The following ZNF701 variants were observed in gnomAD, a reference collection of about 807,000 sequenced individuals.
ZNF701 encodes the protein zinc finger protein 701.
Under a neutral mutation model 7.1 loss-of-function variants are expected in ZNF701, and 6 were observed. The observed-to-expected ratio is 0.84, with a 90% CI of 0.46 to 1.66. The LOEUF (loss-of-function observed/expected upper bound fraction) is 1.66. ZNF701 is among the 40% of genes most tolerant of loss of function. The pLI is 0.01. For missense variants in ZNF701, 541 were observed against 559.2 expected (o/e 0.97, Z 0.33); for synonymous variants, 166 against 188.2 (o/e 0.88, Z 0.97).
downstream of ZNF701, among the ~76,000 whole-genome samples, chr19:52,591,476 C>T (rs145963202): frequency 4.2e-4 from 64 of 152,036 alleles, no homozygotes; most frequent in Non-Finnish European, 6.8e-4. Flanking sequence ...CCCCAATGCC[C>T]GGCCATATAT....
Position 52,582,754 on chromosome 19 carries a change from A to C in ZNF701, c.695A>C (p.Lys232Thr), listed in dbSNP as rs748803266. 19 of 1,614,118 alleles carry C rather than the reference A, an allele frequency of 1.2e-5. No individual in the cohort carries two copies. The highest frequency in any genetic ancestry group is 1.5e-5 in the Non-Finnish European group (18 of 1,180,044). The change falls in exon 4 of 4, where the codon AAA (lysine) becomes ACA (threonine). Residue 232 changes from lysine to threonine, a missense_variant. Lys to Thr is a moderately conservative substitution (Grantham distance 78, BLOSUM62 -1). Transcript: ENST00000391785. ...KAFNGSSLLK[K>T]HQIIHLGDKQ... is the part of the protein sequence containing the mutation. Reference sequence around the variant, plus strand: ...TTTAATGGTAGCTCACTCTTAAAAAAACATCAGATAATCCATTTAGGAGAC... The same window carrying C: ...TTTAATGGTAGCTCACTCTTAAAAACACATCAGATAATCCATTTAGGAGAC...
chr19:52,581,141 A>T (rs532056745), intron 3 of ZNF701, among the ~76,000 whole-genome samples: 4 of 152,230 alleles, frequency 2.6e-5, no homozygotes, highest in African/African-American at 9.6e-5. Context: ...AAAATACAAA[A>T]TTTTTAAAAA....
At chr19:52,570,996 CAG>C (rs1358858247) in intron 1 of ZNF701, 2 of 151,666 alleles carry the variant, frequency 1.3e-5, no homozygotes, top group East Asian at 1.9e-4. Flanking sequence ...GATCAGGAGA[CAG>C]AGAGTAGTAG....
At chr19:52,581,141 A>AT (rs1366855369) in intron 3 of ZNF701, among the ~76,000 whole-genome samples, 1 of 152,112 alleles carries the variant, frequency 6.6e-6, no homozygotes, top group East Asian at 1.9e-4. Flanking sequence ...AAAATACAAA[A>AT]TTTTTAAAAA....
At position 52,585,644 on chromosome 19, in the gene ZNF701, T is replaced by A. The variant is rs1600090622; in HGVS notation, c.*2187T>A. The stretch of plus-strand genomic sequence containing the variant: ...AAGAAAGCACCCCACAGGGTGGGGG[T>A]GGGCCCAAGCGAGCGTCTCCAGGGC... On this transcript the variant is annotated 3_prime_UTR_variant, in exon 4 of 4. Coordinates refer to ENST00000391785, the MANE Select transcript of ZNF701 (RefSeq NM_018260.3). 6.6e-6 allele frequency: 1 copy of A among 151,118 alleles called. No individual in the cohort carries two copies. The highest frequency in any genetic ancestry group is 2.1e-4 in the South Asian group (1 of 4,792). 9.4% of individuals were successfully genotyped at this position (151,118 alleles called of 1,614,324 possible). A position where few individuals can be genotyped will look rare whatever the true frequency, so the allele number is the denominator to read the frequency against.
chr19:52,579,083 T>C lies in ZNF701; in HGVS notation c.142+3062T>C, dbSNP rs117033318. On this transcript the variant is annotated intron_variant, in intron 3 of 3. Transcript: ENST00000391785. Reference sequence around the variant, plus strand: ...TTCAGTAAACAGAAATGAAGTGTGTTGTATAGATAAAATAAAAAGGCATGA... The same window carrying C: ...TTCAGTAAACAGAAATGAAGTGTGTCGTATAGATAAAATAAAAAGGCATGA... Among the ~76,000 whole-genome samples the C allele has an allele frequency of 1.4e-5, 2 of 142,974 alleles. 1 individual carries two copies. Among genetic ancestry groups the C allele is most frequent in the African/African-American group, 6.0e-5 (2 of 33,376 alleles). The allele number at this position is 142,974 out of a possible 152,430, so 93.8% of individuals were successfully genotyped here.
chr19:52,571,472 T>C (rs1052438655), intron 1 of ZNF701, among the ~76,000 whole-genome samples: 1 of 151,922 alleles, frequency 6.6e-6, no homozygotes, highest in Non-Finnish European at 1.5e-5. Context: ...ATCGAAGAAT[T>C]GGGGAGAAGG....
chr19:52,590,830 A>T (rs1033911268), downstream of ZNF701, among the ~76,000 whole-genome samples: 1 of 152,014 alleles, frequency 6.6e-6, no homozygotes, highest in Non-Finnish European at 1.5e-5. Flanking sequence ...ATTAATGGAG[A>T]AGCCTATGAT....
intron 2 of ZNF701, among the ~76,000 whole-genome samples, chr19:52,574,471 C>A (rs1302447710): frequency 6.6e-6 from 1 of 152,166 alleles, no homozygotes; most frequent in Non-Finnish European, 1.5e-5. Context: ...GGGGCCACAT[C>A]TGGATGCACT....
At chr19:52,595,858 A>T in the ZNF701 span, 3 of 1,612,892 alleles carry the variant, frequency 1.9e-6, no homozygotes, top group Non-Finnish European at 2.5e-6. Flanking sequence ...GACGTGATCA[A>T]AGACATGCTG....
At chr19:52,578,882 C>T (rs561506903) in intron 3 of ZNF701, among the ~76,000 whole-genome samples, 26 of 152,074 alleles carry the variant, frequency 1.7e-4, no homozygotes, top group South Asian at 6.2e-4. Flanking sequence ...CTCAGCCTCC[C>T]GAGTACCTGG....
chr19:52,597,156 A>G, the ZNF701 span: 16 of 636,952 alleles, frequency 2.5e-5, no homozygotes, highest in Admixed American at 3.0e-4. Flanking sequence ...GCGAACTCAT[A>G]CTGGAGAGAA....
chr19:52,571,233 T>TGAGAGAGA (rs3837922), intron 1 of ZNF701, among the ~76,000 whole-genome samples: 3 of 142,050 alleles, frequency 2.1e-5, no homozygotes, highest in African/African-American at 7.8e-5. Context: ...CTCATCAGAG[T>TGAGAGAGA]GAGAGAGAGA....
chr19:52,585,908 G>A lies in ZNF701; in HGVS notation c.*2451G>A, dbSNP rs926666644. Reference sequence around the variant, plus strand: ...AAGGGGGAGGGTGTTAGGGAGAGTAGCCTTTGATCCTTTGTTACTTTGGGT... The same window carrying A: ...AAGGGGGAGGGTGTTAGGGAGAGTAACCTTTGATCCTTTGTTACTTTGGGT... On this transcript the variant is annotated 3_prime_UTR_variant, in exon 4 of 4. Transcript: ENST00000391785. 1 of 152,290 alleles carries A rather than the reference G, an allele frequency of 6.6e-6. No homozygotes were observed. Among genetic ancestry groups the A allele is most frequent in the African/African-American group, 2.4e-5 (1 of 41,478 alleles). The allele number at this position is 152,290 out of a possible 1,614,324, so 9.4% of individuals were successfully genotyped here.
intron 3 of ZNF701, among the ~76,000 whole-genome samples, chr19:52,576,555 A>G (rs997472587): frequency 2.6e-5 from 4 of 152,082 alleles, no homozygotes; most frequent in Non-Finnish European, 5.9e-5. Flanking sequence ...ACAAAAAAAC[A>G]AAACCTTATG....
At position 52,583,932 on chromosome 19, in the gene ZNF701, G is replaced by A. The variant is rs188671136; in HGVS notation, c.*475G>A. On this transcript the variant is annotated 3_prime_UTR_variant, in exon 4 of 4. Coordinates refer to ENST00000391785, the MANE Select transcript of ZNF701 (RefSeq NM_018260.3). ...CATTCATAACTTGCAGTTCATTGGCGATCTTATACAGGAGAGAAATCTTAC... is the reference window on the plus strand; with the variant it reads ...CATTCATAACTTGCAGTTCATTGGCAATCTTATACAGGAGAGAAATCTTAC... 26 of 389,200 alleles carry A rather than the reference G, an allele frequency of 6.7e-5. No individual in the cohort carries two copies. Among genetic ancestry groups the A allele is most frequent in the African/African-American group, 2.1e-5 (1 of 48,018 alleles). The allele number at this position is 389,200 out of a possible 1,614,324, so 24.1% of individuals were successfully genotyped here.
chr19:52,571,973 G>GC (rs2059903742), intron 1 of ZNF701, among the ~76,000 whole-genome samples: 1 of 152,046 alleles, frequency 6.6e-6, no homozygotes. Context: ...ACAGGCATGT[G>GC]CCACCACACC....
At chr19:52,580,376 C>G (rs58072369) in intron 3 of ZNF701, among the ~76,000 whole-genome samples, 44,779 of 151,880 alleles carry the variant, frequency 0.29, 7,929 homozygotes, top group South Asian at 0.43. Flanking sequence ...AGGTACCCAC[C>G]ACCGTGCCCA....
chr19:52,576,175 C>T (rs1201199403), intron 3 of ZNF701, among the ~76,000 whole-genome samples, 154 bp downstream of exon 3: 2 of 152,206 alleles, frequency 1.3e-5, no homozygotes, highest in East Asian at 1.9e-4. Context: ...TCTGGACTTT[C>T]ACTGTCCCCT....
Sources: gnomAD v4.1 joint callset for allele counts (sites outside exome capture counted in the v4.1 genomes callset) on GRCh38, gnomAD v4.1.1 for gene constraint, MANE v1.5 for transcripts, NCBI Gene and HGNC (gene_info 2026-07-23, HGNC 2026-07-21) for gene names.